Variants in NME7 observed in about 807,000 individuals in gnomAD.
NME7 encodes nucleoside diphosphate kinase 7.
NME7 carries 41 observed loss-of-function variants against 49.1 expected under a neutral mutation model. The observed-to-expected ratio is 0.83, with a 90% CI of 0.65 to 1.08. NME7 has a LOEUF of 1.08. Among genes scored for constraint, NME7 ranks in the 50% least tolerant of loss-of-function variants. The probability of loss-of-function intolerance (pLI) is 0.00; values close to 1 mark genes in which losing one functional copy is unlikely to be tolerated. For missense variants in NME7, 423 were observed against 463.4 expected (o/e 0.91, Z 0.80); for synonymous variants, 139 against 150.6 (o/e 0.92, Z 0.56).
chr1:169,246,911 A>C (rs1648343776), intron 7 of NME7: 1 of 418,176 alleles, frequency 2.4e-6, no homozygotes, highest in Admixed American at 2.8e-5. Context: ...ATATACCTAC[A>C]ATATGGTGAC....
intron 7 of NME7, among the ~76,000 whole-genome samples, chr1:169,265,472 C>T (rs147901656): frequency 7.5e-6 from 1 of 133,368 alleles, no homozygotes; most frequent in African/African-American, 2.5e-5. Flanking sequence ...TTCTGGGACA[C>T]AGCTAAGGCA....
chr1:169,243,111 T>C (rs1173158724), intron 7 of NME7, among the ~76,000 whole-genome samples: 1 of 151,852 alleles, frequency 6.6e-6, no homozygotes, highest in African/African-American at 2.4e-5. Context: ...AAAAGAAAAA[T>C]GTGAGGTAAT....
intron 10 of NME7, among the ~76,000 whole-genome samples, chr1:169,171,655 T>C (rs1048156209): frequency 6.6e-6 from 1 of 151,654 alleles, no homozygotes; most frequent in South Asian, 2.1e-4. Flanking sequence ...CTCAGCTACT[T>C]GGGGGGCTGA....
intron 10 of NME7, chr1:169,190,511 T>A (rs902066507): frequency 1.5e-5 from 4 of 271,126 alleles, no homozygotes; most frequent in Non-Finnish European, 2.8e-5. Context: ...CTCTTTTCCA[T>A]AATTTTTCTT....
intron 1 of NME7, among the ~76,000 whole-genome samples, chr1:169,346,934 C>A (rs899110265): frequency 2.0e-5 from 3 of 152,218 alleles, no homozygotes; most frequent in African/African-American, 4.8e-5. Flanking sequence ...CTGCAACAGA[C>A]ACTGGGGATA....
chr1:169,304,348 C>A (rs2101913755), intron 4 of NME7, among the ~76,000 whole-genome samples: 1 of 152,252 alleles, frequency 6.6e-6, no homozygotes, highest in Non-Finnish European at 1.5e-5. Context: ...AAACTGGAAA[C>A]TGTTCCCTAG....
At chr1:169,157,648 T>C (rs1247098174) in intron 11 of NME7, among the ~76,000 whole-genome samples, 2 of 152,162 alleles carry the variant, frequency 1.3e-5, no homozygotes, top group Non-Finnish European at 2.9e-5. Flanking sequence ...ATTCAGAGAC[T>C]GGAGTTCCGT....
intron 1 of NME7, among the ~76,000 whole-genome samples, chr1:169,338,910 T>C (rs938570894): frequency 5.9e-5 from 9 of 152,194 alleles, no homozygotes; most frequent in African/African-American, 2.2e-4. Flanking sequence ...GGCAGACTGA[T>C]GTTCCCACAG....
At chr1:169,175,859 T>C (rs900361954) in intron 10 of NME7, among the ~76,000 whole-genome samples, 3 of 152,178 alleles carry the variant, frequency 2.0e-5, no homozygotes, top group Admixed American at 6.5e-5. Flanking sequence ...TGTGAAACAA[T>C]GTTACAATCA....
intron 11 of NME7, among the ~76,000 whole-genome samples, chr1:169,136,383 A>G (rs914377413): frequency 2.0e-5 from 3 of 152,214 alleles, no homozygotes; most frequent in Admixed American, 2.0e-4. Context: ...GGAGAAGTCC[A>G]TGCCTACCAT....
intron 10 of NME7, among the ~76,000 whole-genome samples, chr1:169,173,567 T>C (rs897370883): frequency 6.6e-6 from 1 of 152,162 alleles, no homozygotes; most frequent in Admixed American, 6.5e-5. Flanking sequence ...AAGGTATTGA[T>C]AAATTAATTT....
At chr1:169,364,654 A>G (rs560169777) in intron 1 of NME7, among the ~76,000 whole-genome samples, 29 of 152,350 alleles carry the variant, frequency 1.9e-4, no homozygotes, top group Non-Finnish European at 4.0e-4. Flanking sequence ...AGAGAAATCT[A>G]ACCTAACTGA....
At chr1:169,156,154 C>CAAAAAAAAA (rs71121729) in intron 11 of NME7, among the ~76,000 whole-genome samples, 1 of 135,910 alleles carries the variant, frequency 7.4e-6, no homozygotes. Flanking sequence ...CCTGTCTCTA[C>CAAAAAAAAA]AAAAAAAAAT....
At chr1:169,287,468 ATTTCTGTGGGGGAGG>A in intron 6 of NME7, 60 bp from the exon 7 acceptor site, 3 of 1,181,776 alleles carry the variant, frequency 2.5e-6, no homozygotes, top group Non-Finnish European at 3.5e-6. Flanking sequence ...CTTACAAGAT[ATTTCTGTGGGGGAGG>A]AGAATCATGC....
chr1:169,283,759 T>C (rs981596669), intron 7 of NME7: 3 of 152,232 alleles, frequency 2.0e-5, no homozygotes, highest in Admixed American at 6.5e-5. Flanking sequence ...TCTTTAAGAA[T>C]GTTGAATATT....
intron 3 of NME7, among the ~76,000 whole-genome samples, chr1:169,321,658 C>T (rs1651854948): frequency 6.6e-6 from 1 of 152,098 alleles, no homozygotes; most frequent in Non-Finnish European, 1.5e-5. Context: ...GATCCATCAC[C>T]ATTTGTGTAC....
intron 11 of NME7, among the ~76,000 whole-genome samples, chr1:169,157,409 G>C (rs1659109667): frequency 6.6e-6 from 1 of 152,226 alleles, no homozygotes; most frequent in Non-Finnish European, 1.5e-5. Context: ...CAAATGGTGA[G>C]TGCAGATTTG....
chr1:169,195,794 T>C (rs963990248), intron 10 of NME7, among the ~76,000 whole-genome samples: 26 of 152,318 alleles, frequency 1.7e-4, no homozygotes, highest in African/African-American at 6.3e-4. Flanking sequence ...CTTTTCTGAA[T>C]ATATCAGTGA....
chr1:169,367,794 C>T lies in NME7; in HGVS notation c.-84G>A. On this transcript the variant is annotated 5_prime_UTR_variant, in exon 1 of 12. Transcript: ENST00000367811. ...CACCACCATCATACGGTTACTCAGG[C>T]AACAAAGCCCCGCCCACTGTCGCAC... 2 of 1,570,832 alleles carry T rather than the reference C, an allele frequency of 1.3e-6. No individual in the cohort carries two copies. The highest frequency in any genetic ancestry group is 1.8e-6 in the Non-Finnish European group (2 of 1,141,896).
Sources: gnomAD v4.1 joint callset for allele counts (sites outside exome capture counted in the v4.1 genomes callset) on GRCh38, gnomAD v4.1.1 for gene constraint, MANE v1.5 for transcripts, NCBI Gene and HGNC (gene_info 2026-07-23, HGNC 2026-07-21) for gene names.